The following INTS10 variants were observed in gnomAD, a reference collection of about 807,000 sequenced individuals.
INTS10 encodes integrator complex subunit 10, also known as chromosome 8 open reading frame 35.
Under a neutral mutation model 94.4 loss-of-function variants are expected in INTS10, and 44 were observed. The ratio of observed to expected loss-of-function variants is 0.47; its 90% CI spans 0.37 to 0.60. The LOEUF is 0.60. Ranked by LOEUF, INTS10 falls within the 20% of genes least tolerant of loss-of-function variation. The pLI is 0.00. For missense variants in INTS10, 797 were observed against 868.7 expected (o/e 0.92, Z 1.04); for synonymous variants, 341 against 320.7 (o/e 1.06, Z -0.68).
intron 9 of INTS10, among the ~76,000 whole-genome samples, chr8:19,828,758 T>C (rs2067002389): frequency 6.6e-6 from 1 of 151,520 alleles, no homozygotes. Context: ...GGTCTTTCTA[T>C]GTTGCCTACT....
intron 12 of INTS10, among the ~76,000 whole-genome samples, 181 bp from the exon 13 acceptor site, chr8:19,836,871 G>A (rs946278081): frequency 3.3e-5 from 5 of 152,204 alleles, no homozygotes; most frequent in East Asian, 3.9e-4. Context: ...ATAGCTTTGA[G>A]TCTTATTCTT....
intron 9 of INTS10, among the ~76,000 whole-genome samples, chr8:19,828,365 C>G (rs140153085): frequency 2.4e-4 from 36 of 152,340 alleles, no homozygotes; most frequent in Admixed American, 2.4e-3. Context: ...CTCCAGCCAG[C>G]TGACATCACA....
chr8:19,820,472 T>A lies in INTS10; in HGVS notation c.395T>A (p.Leu132Ter). 1 of 1,613,022 alleles carries A rather than the reference T, an allele frequency of 6.2e-7. No individual in the cohort carries two copies. The highest frequency in any genetic ancestry group is 8.5e-7 in the Non-Finnish European group (1 of 1,179,130). ...AACACGTTAGAACGATCAGAAATGT[T>A]GCTTCTACTTTTGAGGCGCTTCCCT... The part of the protein sequence containing the change: ...CFNTLERSEM[L>*]LLLLRRFPET... Residue 132 changes from leucine to a stop codon, truncating the protein, a stop_gained, in exon 4 of 17, where the codon TTG (leucine) becomes TAG (stop). Transcript: ENST00000397977. LOFTEE classifies it high-confidence loss of function.
At position 19,826,462 on chromosome 8, in the gene INTS10, T is replaced by A. The variant is rs2066800951; in HGVS notation, c.1043T>A (p.Leu348His). ...NAPSQVPLVL[L>H]EDVSNVYGDV... ...CCGAGCCAAGTTCCACTGGTTCTTCTTGAAGATGTATCGAATGTGTATGGT... is the reference window on the plus strand; with the variant it reads ...CCGAGCCAAGTTCCACTGGTTCTTCATGAAGATGTATCGAATGTGTATGGT... The change falls in exon 9 of 17, where the codon CTT (leucine) becomes CAT (histidine). Residue 348 changes from leucine to histidine, a missense_variant. Coordinates refer to ENST00000397977, the MANE Select transcript of INTS10 (RefSeq NM_018142.4). The A allele has an allele frequency of 6.2e-7, 1 of 1,612,878 alleles. No individual in the cohort carries two copies. The highest frequency in any genetic ancestry group is 2.2e-5 in the East Asian group (1 of 44,814).
intron 9 of INTS10, 117 bp from the exon 10 acceptor site, chr8:19,830,289 T>G: frequency 1.3e-6 from 1 of 772,826 alleles, no homozygotes; most frequent in Non-Finnish European, 1.9e-6. Flanking sequence ...ATTGTATGTA[T>G]GTGGTATCCT....
At chr8:19,832,966 G>A (rs527575742) in intron 11 of INTS10, among the ~76,000 whole-genome samples, 12 of 152,182 alleles carry the variant, frequency 7.9e-5, no homozygotes, top group East Asian at 1.9e-4. Context: ...ATAAAGTACC[G>A]CCAGAAAGAA....
intron 10 of INTS10, among the ~76,000 whole-genome samples, chr8:19,831,619 G>C (rs2067233245): frequency 6.6e-6 from 1 of 152,192 alleles, no homozygotes; most frequent in Non-Finnish European, 1.5e-5. Flanking sequence ...GAGGCCGGAA[G>C]GTTGAGGCTG....
intron 15 of INTS10, 53 bp from the exon 16 acceptor site, chr8:19,845,651 A>C: frequency 7.6e-7 from 1 of 1,313,412 alleles, no homozygotes; most frequent in Non-Finnish European, 1.1e-6. Flanking sequence ...TTTCCTCATC[A>C]GAGAAAACTA....
intron 16 of INTS10, 140 bp downstream of exon 16, chr8:19,845,937 C>T (rs2068544812): frequency 2.0e-6 from 1 of 499,848 alleles, no homozygotes; most frequent in Admixed American, 3.3e-5. Flanking sequence ...TAGTTTGATT[C>T]TGGGTACCTT....
chr8:19,827,171 T>A (rs1399440855), intron 9 of INTS10, among the ~76,000 whole-genome samples: 1 of 152,156 alleles, frequency 6.6e-6, no homozygotes, highest in Non-Finnish European at 1.5e-5. Flanking sequence ...TGAAGAATCG[T>A]CAGTCCTCTA....
chr8:19,840,747 C>CA lies in INTS10; in HGVS notation c.1640-2090dup, dbSNP rs74587964. ...TTTGAAGTTTTCTATAACAAATGGT[C>CA]AAAAAAAAAAATCTAGCCCAGACTT... is the stretch of plus-strand genomic sequence containing the variant. On this transcript the variant is annotated intron_variant, in intron 13 of 16. Transcript: ENST00000397977. Among the ~76,000 whole-genome samples, 1,394 of 145,362 alleles carry CA rather than the reference C, an allele frequency of 9.6e-3. 16 individuals are homozygous for CA. The highest frequency in any genetic ancestry group is 0.032 in the African/African-American group (1,260 of 39,876).
At chr8:19,819,708 G>A (rs750637354) in intron 3 of INTS10, 32 bp downstream of exon 3, 19 of 1,470,086 alleles carry the variant, frequency 1.3e-5, no homozygotes, top group Non-Finnish European at 1.6e-5. Flanking sequence ...TTACCATTTC[G>A]GGAATACCAA....
chr8:19,843,043 C>A lies in INTS10; in HGVS notation c.1719+116C>A, dbSNP rs1256865052. 8 of 718,704 alleles carry A rather than the reference C, an allele frequency of 1.1e-5. No homozygotes were observed. Among genetic ancestry groups the A allele is most frequent in the Non-Finnish European group, 1.9e-5 (8 of 414,388 alleles). The allele number at this position is 718,704 out of a possible 1,614,324, so 44.5% of individuals were successfully genotyped here. ...TATTTTAGTACTTTTGAGGGCAGGC[C>A]CAAACAGTTAGAAAAGCACATGGGC... On this transcript the variant is annotated intron_variant, in intron 14 of 16. Transcript: ENST00000397977. The surrounding 1 kb of genome is among the most constrained non-coding windows in gnomAD (Gnocchi z 4.7).
At chr8:19,818,155 C>G (rs547282384) in intron 1 of INTS10, 120 bp from the exon 2 acceptor site, 5 of 944,434 alleles carry the variant, frequency 5.3e-6, no homozygotes, top group African/African-American at 1.6e-5. Flanking sequence ...CGCTGTGTCA[C>G]CAGGCGGAGC....
At chr8:19,829,612 G>A (rs1451860596) in intron 9 of INTS10, among the ~76,000 whole-genome samples, 1 of 152,218 alleles carries the variant, frequency 6.6e-6, no homozygotes, top group African/African-American at 2.4e-5. Context: ...GTCATGCGCA[G>A]TGAACCAAAG....
intron 13 of INTS10, chr8:19,841,708 T>C: frequency 2.4e-6 from 1 of 416,502 alleles, no homozygotes; most frequent in South Asian, 1.8e-5. Context: ...GCAACCATTC[T>C]GGAAACCAAC....
At chr8:19,828,447 G>A (rs903629589) in intron 9 of INTS10, among the ~76,000 whole-genome samples, 1 of 152,180 alleles carries the variant, frequency 6.6e-6, no homozygotes, top group Non-Finnish European at 1.5e-5. Flanking sequence ...CCCACCTGCT[G>A]CATTCTTGCT....
intron 16 of INTS10, among the ~76,000 whole-genome samples, chr8:19,847,703 C>T (rs2068695034): frequency 6.6e-6 from 1 of 152,134 alleles, no homozygotes; most frequent in Non-Finnish European, 1.5e-5. Context: ...TTGTACTGAA[C>T]CTTTCTTCTT....
intron 6 of INTS10, 83 bp from the exon 7 acceptor site, chr8:19,823,790 G>C: frequency 8.2e-7 from 1 of 1,223,718 alleles, no homozygotes; most frequent in South Asian, 1.6e-5. Flanking sequence ...CATTTTCATG[G>C]GGAGTCAGAC....
Sources: gnomAD v4.1 joint callset for allele counts (sites outside exome capture counted in the v4.1 genomes callset) on GRCh38, gnomAD v4.1.1 for gene constraint, Gnocchi (gnomAD v3.1) non-coding constraint, MANE v1.5 for transcripts, NCBI Gene and HGNC (gene_info 2026-07-23, HGNC 2026-07-21) for gene names.